Variants in GALNT7 observed in about 807,000 individuals in gnomAD.
The protein encoded by GALNT7 is polypeptide N-acetylgalactosaminyltransferase 7, also known as N-acetylgalactosaminyltransferase 7.
In GALNT7, 60 loss-of-function variants were observed where a neutral mutation model predicts 82.1. The ratio of observed to expected loss-of-function variants is 0.73; its 90% CI spans 0.59 to 0.91. GALNT7 has a LOEUF of 0.91. GALNT7 is among the 40% of genes least tolerant of loss of function. The pLI, the probability that GALNT7 is intolerant of heterozygous loss-of-function variation, is 0.00. For synonymous variants in GALNT7, 243 were observed against 275.1 expected, an observed-to-expected ratio of 0.88 and a Z score of 1.15; for missense variants, 660 against 804.2, an observed-to-expected ratio of 0.82 and a Z score of 2.17.
chr4:173,215,030 G>A (rs1262301153), intron 1 of GALNT7, among the ~76,000 whole-genome samples: 2 of 152,012 alleles, frequency 1.3e-5, no homozygotes, highest in Non-Finnish European at 2.9e-5. Context: ...ATCCTATCAT[G>A]ATCCCCTGCT....
chr4:173,209,578 G>A (rs907105722), intron 1 of GALNT7, among the ~76,000 whole-genome samples: 2 of 152,144 alleles, frequency 1.3e-5, no homozygotes, highest in Admixed American at 6.5e-5. Flanking sequence ...AACATTTCAC[G>A]TCTCCTTCCA....
At chr4:173,203,912 A>G in intron 1 of GALNT7, among the ~76,000 whole-genome samples, 1 of 152,210 alleles carries the variant, frequency 6.6e-6, no homozygotes, top group Non-Finnish European at 1.5e-5. Context: ...TTGACTGTGT[A>G]CTTTTACCAG....
chr4:173,218,651 G>A (rs1023937989), intron 1 of GALNT7, among the ~76,000 whole-genome samples: 2 of 152,158 alleles, frequency 1.3e-5, no homozygotes, highest in African/African-American at 4.8e-5. Context: ...TATTCACATT[G>A]TGTTGACTGT....
In GALNT7 at chr4:173,321,887, A is replaced by G; in HGVS notation, c.*170A>G. On this transcript the variant is annotated 3_prime_UTR_variant, in exon 12 of 12. Transcript: ENST00000265000. ...TAAACTGTGATTTTACAATAACATT[A>G]TCATCTGCAGTTACTGTTTACAAGA... The G allele has an allele frequency of 3.7e-6, 2 of 543,456 alleles. No individual in the cohort carries two copies. Among genetic ancestry groups the G allele is most frequent in the Non-Finnish European group, 6.6e-6 (2 of 302,248 alleles). The allele number at this position is 543,456 out of a possible 1,614,324, so 33.7% of individuals were successfully genotyped here.
chr4:173,296,284 A>G (rs1579999890), intron 5 of GALNT7, among the ~76,000 whole-genome samples: 1 of 152,182 alleles, frequency 6.6e-6, no homozygotes, highest in African/African-American at 2.4e-5. Flanking sequence ...GTTCCTATAG[A>G]AACTTTAAAG....
At chr4:173,244,592 A>T (rs970444920) in intron 1 of GALNT7, among the ~76,000 whole-genome samples, 1 of 152,178 alleles carries the variant, frequency 6.6e-6, no homozygotes, top group Admixed American at 6.5e-5. Flanking sequence ...TATAAAATAG[A>T]CATGGCAATC....
intron 2 of GALNT7, among the ~76,000 whole-genome samples, chr4:173,282,009 A>G (rs1452113867): frequency 1.3e-5 from 2 of 152,228 alleles, no homozygotes; most frequent in Non-Finnish European, 2.9e-5. Flanking sequence ...TGAAAGTTTA[A>G]TAAGCGAAAG....
intron 1 of GALNT7, among the ~76,000 whole-genome samples, chr4:173,242,031 T>G (rs1991726): frequency 6.6e-6 from 1 of 152,160 alleles, no homozygotes; most frequent in Non-Finnish European, 1.5e-5. Flanking sequence ...AAAGTAACTT[T>G]GGGACGAACT....
chr4:173,318,506 G>A lies in GALNT7; in HGVS notation c.1783G>A (p.Val595Ile), dbSNP rs765779341. Residue 595 changes from valine to isoleucine, a missense_variant, in exon 11 of 12, where the codon GTT becomes ATT. Transcript: ENST00000265000. ...GACAAAGGGAGCTGATGGATCAAAAGTTATGATTACACACTGTAATCTAAA... is the reference window on the plus strand; with the variant it reads ...GACAAAGGGAGCTGATGGATCAAAAATTATGATTACACACTGTAATCTAAA... ...CLTKGADGSK[V>I]MITHCNLNEF... is the part of the protein sequence containing the mutation. 1 of 1,578,188 alleles carries A rather than the reference G, an allele frequency of 6.3e-7. No homozygotes were observed. Among genetic ancestry groups the A allele is most frequent in the African/African-American group, 1.3e-5 (1 of 74,162 alleles).
At chr4:173,194,626 ATTTAT>A (rs886831242) in intron 1 of GALNT7, among the ~76,000 whole-genome samples, 2 of 152,094 alleles carry the variant, frequency 1.3e-5, no homozygotes, top group African/African-American at 4.8e-5. Flanking sequence ...TAGGAGATAA[ATTTAT>A]TTATTTATTA....
chr4:173,229,528 G>T (rs979153923), intron 1 of GALNT7, among the ~76,000 whole-genome samples: 1 of 152,138 alleles, frequency 6.6e-6, no homozygotes, highest in Non-Finnish European at 1.5e-5. Context: ...GAGTATAATA[G>T]TTAAGAACAT....
At chr4:173,207,898 G>T (rs1384959884) in intron 1 of GALNT7, among the ~76,000 whole-genome samples, 1 of 152,164 alleles carries the variant, frequency 6.6e-6, no homozygotes, top group Admixed American at 6.5e-5. Context: ...AACTTCATAG[G>T]TGAAAAACGA....
chr4:173,228,098 T>C (rs1009785303), intron 1 of GALNT7, among the ~76,000 whole-genome samples: 7 of 151,928 alleles, frequency 4.6e-5, no homozygotes, highest in Non-Finnish European at 8.8e-5. Flanking sequence ...ATTCAAGTTA[T>C]ATAAAATGTT....
At position 173,298,099 on chromosome 4, in the gene GALNT7, C is replaced by T. The variant is rs1342634358; in HGVS notation, c.966-16C>T. 4 of 1,612,840 alleles carry T rather than the reference C, an allele frequency of 2.5e-6. No individual in the cohort carries two copies. In the East Asian group the frequency reaches 8.9e-5, roughly 36 times the overall value. ...TACGCTTCCATTTGATCTTTGCTGC[C>T]ATCAACACAATACAGAACCATTTGC... On this transcript the variant is annotated splice_polypyrimidine_tract_variant and intron_variant, in intron 5 of 11. Transcript: ENST00000265000.
chr4:173,217,630 A>G lies in GALNT7; in HGVS notation c.127-30350A>G, dbSNP rs192312964. ...TTGTTTTTAAGATTCAACTCTTGGA[A>G]TCTTCTACATTTCTTTGCCTAAGTA... On this transcript the variant is annotated intron_variant, in intron 1 of 11. Coordinates refer to ENST00000265000, the MANE Select transcript of GALNT7 (RefSeq NM_017423.3). 1.5e-3 allele frequency among the ~76,000 whole-genome samples: 233 copies of G among 152,308 alleles called. 2 individuals carry two copies. Among genetic ancestry groups the G allele is most frequent in the African/African-American group, 5.3e-3 (220 of 41,578 alleles).
Position 173,264,471 on chromosome 4 carries a change from G to A in GALNT7, c.587+16031G>A, listed in dbSNP as rs186883729. Among the ~76,000 whole-genome samples, 150 of 152,198 alleles carry A rather than the reference G, an allele frequency of 9.9e-4. 1 individual carries two copies. The highest frequency in any genetic ancestry group is 1.4e-3 in the Non-Finnish European group (95 of 68,000). On this transcript the variant is annotated intron_variant, in intron 2 of 11. Coordinates refer to ENST00000265000, the MANE Select transcript of GALNT7 (RefSeq NM_017423.3). The stretch of plus-strand genomic sequence containing the variant: ...TCTGAGCACACAGTAGGGTTAGATG[G>A]GTATTGCTCTTCCGTATTATCCTCT...
chr4:173,243,939 C>T (rs566815050), intron 1 of GALNT7, among the ~76,000 whole-genome samples: 1 of 152,230 alleles, frequency 6.6e-6, no homozygotes, highest in East Asian at 1.9e-4. Context: ...AGGATTCATT[C>T]ATTTATTCAG....
At chr4:173,312,773 CTG>C (rs1451382148) in intron 8 of GALNT7, among the ~76,000 whole-genome samples, 1 of 152,212 alleles carries the variant, frequency 6.6e-6, no homozygotes, top group Non-Finnish European at 1.5e-5. Flanking sequence ...AGTGAACCAA[CTG>C]GGGTCGGGGG....
chr4:173,288,378 C>T (rs1736416612), intron 2 of GALNT7, among the ~76,000 whole-genome samples: 1 of 150,276 alleles, frequency 6.7e-6, no homozygotes, highest in Non-Finnish European at 1.5e-5. Context: ...ACAGATGGGT[C>T]ATGGAGCCTG....
Sources: allele counts gnomAD v4.1 joint callset (sites outside exome capture counted in the v4.1 genomes callset), GRCh38; gene constraint gnomAD v4.1.1; transcripts MANE v1.5; gene names NCBI Gene and HGNC (gene_info 2026-07-23, HGNC 2026-07-21).